MCF2L: variants seen among roughly 807,000 people sequenced by gnomAD.
The protein encoded by MCF2L is guanine nucleotide exchange factor DBS.
MCF2L carries 97 observed loss-of-function variants against 153.4 expected under a neutral mutation model. The observed-to-expected ratio is 0.63, with a 90% CI of 0.54 to 0.75. MCF2L has a LOEUF of 0.75. Among genes scored for constraint, MCF2L ranks in the 30% least tolerant of loss-of-function variants. The pLI is 0.00. For missense variants in MCF2L, 1,347 were observed against 1,495.2 expected (o/e 0.90, Z 1.64); for synonymous variants, 659 against 632.2 (o/e 1.04, Z -0.64).
At chr13:113,058,932 GTGTTTCGGCAC>G (rs1482210597) in intron 4 of MCF2L, among the ~76,000 whole-genome samples, 3 of 149,594 alleles carry the variant, frequency 2.0e-5, no homozygotes, top group African/African-American at 7.5e-5. Flanking sequence ...TGGGTGCTGA[GTGTTTCGGCAC>G]TGTTTGGGTG....
intron 1 of MCF2L, among the ~76,000 whole-genome samples, chr13:112,977,793 T>G (rs2082265869): frequency 6.6e-6 from 1 of 152,172 alleles, no homozygotes; most frequent in Non-Finnish European, 1.5e-5. Flanking sequence ...TCTGTCCTTG[T>G]GGATGAAACC....
In MCF2L at chr13:113,048,632, G is replaced by A. The variant is rs556498018; in HGVS notation, c.369+3271G>A. Reference sequence around the variant, plus strand: ...AATTTTTTATATTTTTAGTAGAGACGGGGTTTCACCCACGTTAGCCAGGAT... The same window carrying A: ...AATTTTTTATATTTTTAGTAGAGACAGGGTTTCACCCACGTTAGCCAGGAT... On this transcript the variant is annotated intron_variant, in intron 4 of 29. Transcript: ENST00000535094. Among the ~76,000 whole-genome samples, 13 of 152,008 alleles carry A rather than the reference G, an allele frequency of 8.6e-5. No homozygotes were observed. The South Asian group carries it at 1.9e-3, about 22-fold the overall frequency.
chr13:112,970,102 G>T (rs925672424), intron 1 of MCF2L, among the ~76,000 whole-genome samples: 1 of 152,102 alleles, frequency 6.6e-6, no homozygotes, highest in South Asian at 2.1e-4. Context: ...GCTTTCAGGC[G>T]GTCGCATCTG....
At chr13:113,066,261 C>T (rs1265020485) in intron 8 of MCF2L, 91 bp downstream of exon 8, 14 of 1,430,850 alleles carry the variant, frequency 9.8e-6, no homozygotes, top group Non-Finnish European at 1.3e-5. Context: ...AAACAGGCCA[C>T]GGAAATAGCA....
chr13:112,917,803 G>A (rs758247052), intron 2 of MCF2L, among the ~76,000 whole-genome samples: 7 of 152,130 alleles, frequency 4.6e-5, no homozygotes, highest in African/African-American at 9.7e-5. Context: ...TGTTTGCTGC[G>A]GGGGTTCTCC....
intron 14 of MCF2L, 43 bp downstream of exon 14, chr13:113,078,479 C>T: frequency 6.4e-7 from 1 of 1,559,866 alleles, no homozygotes; most frequent in Non-Finnish European, 8.8e-7. Context: ...CACCCCCCTC[C>T]TTGGTTCACG....
chr13:112,899,734 C>A (rs759967321), intron 1 of MCF2L, among the ~76,000 whole-genome samples: 2 of 152,190 alleles, frequency 1.3e-5, no homozygotes, highest in Non-Finnish European at 2.9e-5. Flanking sequence ...GCACCTGCTG[C>A]GGAAGAGGAT....
intron 3 of MCF2L, chr13:113,044,823 T>G (rs761265419): frequency 1.2e-6 from 2 of 1,612,914 alleles, no homozygotes; most frequent in Non-Finnish European, 1.7e-6. Flanking sequence ...ACCGTAGCCA[T>G]GCCACCACGA....
Position 113,096,630 on chromosome 13 carries a change from C to T in MCF2L, c.3269C>T (p.Ser1090Leu), listed in dbSNP as rs747820597. ...TCCGTCCGGCTCGGCCCGTCCGGCTCGGCCCAGTGCCTGAGCAGCTCAGGT... is the reference window on the plus strand; with the variant it reads ...TCCGTCCGGCTCGGCCCGTCCGGCTTGGCCCAGTGCCTGAGCAGCTCAGGT... The part of the protein sequence containing the change: ...SLSVRLGPSG[S>L]AQCLSSSESS... Residue 1090 changes from serine (S) to leucine (L), a missense_variant, in exon 29 of 30, where the codon TCG becomes TTG. Physicochemically the swap from Ser to Leu is moderately radical, Grantham distance 145. Coordinates refer to ENST00000535094, the MANE Select transcript of MCF2L (RefSeq NM_001112732.3). 4.5e-5 allele frequency: 72 copies of T among 1,591,860 alleles called. No individual in the cohort carries two copies. The highest frequency in any genetic ancestry group is 5.8e-5 in the Non-Finnish European group (68 of 1,175,168).
rs558128691 is a variant in MCF2L at position 113,031,430 on chromosome 13, G to A, written c.278+6672G>A. ...ATCTTTGGGGGCAGCGAACGCACCA[G>A]GGGGCAGGACAGAGTGCCGGGGAGT... is the stretch of plus-strand genomic sequence containing the variant. On this transcript the variant is annotated intron_variant, in intron 3 of 29. Transcript: ENST00000535094. This position sits in a 1 kb window ranked among gnomAD's most constrained non-coding sequence, Gnocchi z 5.5. Among the ~76,000 whole-genome samples the A allele has an allele frequency of 6.6e-6, 1 of 152,294 alleles. No individual in the cohort carries two copies. Among genetic ancestry groups the A allele is most frequent in the South Asian group, 2.1e-4 (1 of 4,816 alleles).
intron 1 of MCF2L, among the ~76,000 whole-genome samples, chr13:112,978,567 G>A (rs1460237661): frequency 2.6e-5 from 4 of 152,220 alleles, no homozygotes; most frequent in Admixed American, 6.5e-5. Flanking sequence ...TGATGTCCCC[G>A]ATGCCAGTGG....
intron 3 of MCF2L, chr13:113,044,601 C>T (rs375832279): frequency 9.6e-6 from 15 of 1,557,494 alleles, no homozygotes; most frequent in East Asian, 7.1e-5. Context: ...ATTGGCTTGG[C>T]TGCAGAGTGA....
chr13:113,055,437 CA>C (rs2087693425), intron 4 of MCF2L, among the ~76,000 whole-genome samples: 1 of 114,260 alleles, frequency 8.8e-6, no homozygotes, highest in Non-Finnish European at 1.8e-5. Flanking sequence ...CACACACACA[CA>C]CACACACCTG....
At chr13:113,065,764 A>G (rs1489923569) in intron 7 of MCF2L, among the ~76,000 whole-genome samples, 2 of 152,172 alleles carry the variant, frequency 1.3e-5, no homozygotes, top group Admixed American at 6.5e-5. Flanking sequence ...AGCAGGCACC[A>G]TGAGAAAGCC....
rs890663033 is a variant in MCF2L at position 113,024,161 on chromosome 13, A to G, written c.164-483A>G. 2.0e-5 allele frequency among the ~76,000 whole-genome samples: 3 copies of G among 152,374 alleles called. No homozygotes were observed. In the South Asian group the frequency reaches 6.2e-4, roughly 32 times the overall value. On this transcript the variant is annotated intron_variant, in intron 2 of 29. Transcript: ENST00000535094. ...GAATTGAATTGCTTAAAAGGCGCCA[A>G]TGTCGGAGAAGCTAGACGATACCCA...
intron 1 of MCF2L, among the ~76,000 whole-genome samples, chr13:112,987,349 C>T (rs978817577): frequency 6.6e-6 from 1 of 152,378 alleles, no homozygotes; most frequent in East Asian, 1.9e-4. Flanking sequence ...TGTCTGCCCC[C>T]TGATCCACCC....
chr13:113,027,567 C>G lies in MCF2L; in HGVS notation c.278+2809C>G, dbSNP rs147390069. ...TGTCTGTTGTGAGAATCTTGCACCC[C>G]CTATGCGCCAGGCTCTGCTGGCTGA... On this transcript the variant is annotated intron_variant, in intron 3 of 29. Transcript: ENST00000535094. The surrounding 1 kb of genome is among the most constrained non-coding windows in gnomAD (Gnocchi z 4.8). Among the ~76,000 whole-genome samples the G allele has an allele frequency of 2.6e-5, 4 of 152,272 alleles. No individual in the cohort carries two copies. Among genetic ancestry groups the G allele is most frequent in the East Asian group, 3.9e-4 (2 of 5,174 alleles).
chr13:113,090,687 G>A (rs901427154), intron 26 of MCF2L: 60 of 985,366 alleles, frequency 6.1e-5, no homozygotes, highest in Non-Finnish European at 6.9e-5. Flanking sequence ...GCCGGCCCTG[G>A]CGTGCAGGCG....
rs1292161253 is a variant in MCF2L, at chr13:113,045,213, G to T, written c.279-58G>T. Reference sequence around the variant, plus strand: ...CCCAAGAGGTTTTCTGAGGGATTTCGTGGGCAGCCGGCTTCCCACCTGCAC... The same window carrying T: ...CCCAAGAGGTTTTCTGAGGGATTTCTTGGGCAGCCGGCTTCCCACCTGCAC... On this transcript the variant is annotated intron_variant, in intron 3 of 29. Coordinates refer to ENST00000535094, the MANE Select transcript of MCF2L (RefSeq NM_001112732.3). The surrounding 1 kb of genome is among the most constrained non-coding windows in gnomAD (Gnocchi z 4.2). 2.2e-6 allele frequency: 3 copies of T among 1,374,452 alleles called. No individual in the cohort carries two copies. The highest frequency in any genetic ancestry group is 1.7e-5 in the Admixed American group (1 of 59,628). The allele number at this position is 1,374,452 out of a possible 1,614,324, so 85.1% of individuals were successfully genotyped here.
Sources: gnomAD v4.1 joint callset for allele counts (sites outside exome capture counted in the v4.1 genomes callset) on GRCh38, gnomAD v4.1.1 for gene constraint, Gnocchi (gnomAD v3.1) non-coding constraint, MANE v1.5 for transcripts, NCBI Gene and HGNC (gene_info 2026-07-23, HGNC 2026-07-21) for gene names.